The following TMC2 variants were observed in gnomAD, a reference collection of about 807,000 sequenced individuals.
TMC2 encodes the protein transmembrane channel-like protein 2.
TMC2 carries 102 observed loss-of-function variants against 105.9 expected under a neutral mutation model. The ratio of observed to expected loss-of-function variants is 0.96; its 90% CI spans 0.82 to 1.14. The LOEUF (loss-of-function observed/expected upper bound fraction) is 1.14, where lower values mean the gene tolerates loss of function less well. Among genes scored for constraint, TMC2 ranks in the 50% most tolerant of loss-of-function variants. The pLI is 0.00. For synonymous variants in TMC2, 402 were observed against 422.8 expected (o/e 0.95, Z 0.60); for missense variants, 1,093 against 1,134.3 (o/e 0.96, Z 0.52).
chr20:2,577,065 G>A (rs1325550690), intron 5 of TMC2, among the ~76,000 whole-genome samples: 3 of 151,896 alleles, frequency 2.0e-5, no homozygotes, highest in East Asian at 1.9e-4. Context: ...CTGCCACCAC[G>A]CCCAGCTAAG....
Position 2,580,076 on chromosome 20 carries a change from A to G in TMC2, c.834+20A>G. On this transcript the variant is annotated intron_variant, in intron 7 of 19. Transcript: ENST00000358864. ...CCAGAGGTAAGAAAAGAACTTCCTA[A>G]ATCTTTGGATAGAGTTAAGGCTTAT... The G allele has an allele frequency of 6.6e-7, 1 of 1,514,316 alleles. No homozygotes were observed. Among genetic ancestry groups the G allele is most frequent in the Non-Finnish European group, 9.2e-7 (1 of 1,089,986 alleles). The allele number at this position is 1,514,316 out of a possible 1,614,324, so 93.8% of individuals were successfully genotyped here.
chr20:2,624,532 G>T (rs1600138317), intron 17 of TMC2, 136 bp downstream of exon 17: 2 of 1,103,580 alleles, frequency 1.8e-6, no homozygotes, highest in Non-Finnish European at 2.5e-6. Context: ...GGATTCAAGT[G>T]TAAGTATTTT....
At chr20:2,607,424 C>A (rs1052766995) in intron 11 of TMC2, among the ~76,000 whole-genome samples, 1 of 152,126 alleles carries the variant, frequency 6.6e-6, no homozygotes, top group Non-Finnish European at 1.5e-5. Flanking sequence ...TGTTAGGGAG[C>A]TTAACTGACA....
chr20:2,606,932 T>A (rs144869291), intron 11 of TMC2, among the ~76,000 whole-genome samples: 217 of 146,108 alleles, frequency 1.5e-3, no homozygotes, highest in African/African-American at 5.4e-3. Context: ...TCACCCTTTT[T>A]CTGGGTTTTT....
intron 8 of TMC2, 102 bp from the exon 9 acceptor site, chr20:2,594,723 G>T: frequency 1.6e-6 from 2 of 1,287,360 alleles, no homozygotes; most frequent in South Asian, 1.4e-5. Context: ...CCTTAGATTC[G>T]GTTAAGACTC....
At chr20:2,579,398 T>TTATG (rs1171789371) in intron 6 of TMC2, among the ~76,000 whole-genome samples, 171 bp downstream of exon 6, 4 of 148,588 alleles carry the variant, frequency 2.7e-5, no homozygotes, top group African/African-American at 1.0e-4. Flanking sequence ...ATTTATTTAT[T>TTATG]TATTTATTTA....
chr20:2,547,216 A>G (rs1422412995), intron 2 of TMC2, among the ~76,000 whole-genome samples: 2 of 152,226 alleles, frequency 1.3e-5, no homozygotes, highest in African/African-American at 4.8e-5. Context: ...CATCTCCAAT[A>G]GAAAAGCACT....
intron 2 of TMC2, among the ~76,000 whole-genome samples, chr20:2,548,464 C>T (rs545735592): frequency 1.9e-3 from 290 of 151,968 alleles, no homozygotes; most frequent in African/African-American, 6.3e-3. Flanking sequence ...CATGGAGAAA[C>T]CCCGTCTCTA....
intron 4 of TMC2, 81 bp from the exon 5 acceptor site, chr20:2,572,098 A>G (rs1445174408): frequency 2.6e-5 from 27 of 1,031,692 alleles, no homozygotes; most frequent in Non-Finnish European, 4.1e-5. Context: ...GCCTTCACAC[A>G]TGTGTTTGAG....
At chr20:2,613,094 G>T (rs1295018081) in intron 13 of TMC2, 100 bp from the exon 14 acceptor site, 2 of 1,468,110 alleles carry the variant, frequency 1.4e-6, no homozygotes, top group Non-Finnish European at 1.8e-6. Context: ...AAAGTCAGGT[G>T]GGTGGGGGAG....
intron 2 of TMC2, 82 bp downstream of exon 2, chr20:2,537,398 C>T: frequency 1.8e-6 from 2 of 1,124,044 alleles, no homozygotes; most frequent in Non-Finnish European, 2.6e-6. Flanking sequence ...GCCACCCATC[C>T]AACATTCTCC....
chr20:2,636,478 A>ACACACACACACACG (rs1555778106), intron 18 of TMC2, among the ~76,000 whole-genome samples: 5 of 151,332 alleles, frequency 3.3e-5, no homozygotes, highest in Non-Finnish European at 5.9e-5. Flanking sequence ...ACACACACAC[A>ACACACACACACACG]CACACACACA....
At chr20:2,587,426 A>G (rs370948446) in intron 7 of TMC2, among the ~76,000 whole-genome samples, 1 of 152,130 alleles carries the variant, frequency 6.6e-6, no homozygotes, top group East Asian at 1.9e-4. Context: ...TATTTTATCT[A>G]GAATTTTTGC....
At chr20:2,539,957 A>G (rs1264269105) in intron 2 of TMC2, among the ~76,000 whole-genome samples, 3 of 102,524 alleles carry the variant, frequency 2.9e-5, no homozygotes, top group Non-Finnish European at 4.4e-5. Flanking sequence ...ACTCCCGCAA[A>G]TAGCACACAA....
intron 11 of TMC2, among the ~76,000 whole-genome samples, chr20:2,607,224 G>A (rs890962681): frequency 2.0e-5 from 3 of 152,118 alleles, no homozygotes; most frequent in Middle Eastern, 3.4e-3. Flanking sequence ...CTAAGTTAAC[G>A]GAGCTCTCTC....
In TMC2 at chr20:2,614,830, G is replaced by A. The variant is rs190739670; in HGVS notation, c.1873-1307G>A. Among the ~76,000 whole-genome samples, 395 of 151,888 alleles carry A rather than the reference G, an allele frequency of 2.6e-3. 2 individuals are homozygous for A. Among genetic ancestry groups the A allele is most frequent in the African/African-American group, 9.1e-3 (379 of 41,464 alleles). ...AAATATATATAAATTATATAAAAAT[G>A]TGGGGGATTATATCCCTCATTCATT... On this transcript the variant is annotated intron_variant, in intron 14 of 19. Coordinates refer to ENST00000358864, the MANE Select transcript of TMC2 (RefSeq NM_080751.3).
At chr20:2,584,935 C>G (rs1359653441) in intron 7 of TMC2, among the ~76,000 whole-genome samples, 1 of 152,122 alleles carries the variant, frequency 6.6e-6, no homozygotes, top group Non-Finnish European at 1.5e-5. Context: ...TTCCATCGCC[C>G]CCTAAATTTC....
Position 2,573,640 on chromosome 20 carries a change from G to A in TMC2, c.645+1371G>A, listed in dbSNP as rs188370689. Among the ~76,000 whole-genome samples the A allele has an allele frequency of 1.8e-3, 263 of 146,384 alleles. 2 individuals carry two copies. The highest frequency in any genetic ancestry group is 4.8e-3 in the African/African-American group (190 of 39,488). ...CGGTGGCGCGACCTCGGCTCACTGCGAGCTCTGCCTCCCGGGTTCACGCCA... is the reference window on the plus strand; with the variant it reads ...CGGTGGCGCGACCTCGGCTCACTGCAAGCTCTGCCTCCCGGGTTCACGCCA... On this transcript the variant is annotated intron_variant, in intron 5 of 19. Coordinates refer to ENST00000358864, the MANE Select transcript of TMC2 (RefSeq NM_080751.3).
intron 5 of TMC2, among the ~76,000 whole-genome samples, chr20:2,576,908 TTTTTG>T (rs1429642705): frequency 0.015 from 1,679 of 109,162 alleles, 42 homozygotes; most frequent in African/African-American, 0.06. Context: ...TGGTTTTTTT[TTTTTG>T]TTTTTTTTTT....
Sources: allele counts gnomAD v4.1 joint callset (sites outside exome capture counted in the v4.1 genomes callset), GRCh38; gene constraint gnomAD v4.1.1; transcripts MANE v1.5; gene names NCBI Gene and HGNC (gene_info 2026-07-23, HGNC 2026-07-21).